Variants in CHL1 observed in about 807,000 individuals in gnomAD.
CHL1 encodes the protein cell adhesion molecule L1 like.
In CHL1, 96 loss-of-function variants were observed where a neutral mutation model predicts 141.9. The observed-to-expected ratio is 0.68, with a 90% CI of 0.57 to 0.80. The LOEUF (loss-of-function observed/expected upper bound fraction) is 0.80, where lower values mean the gene tolerates loss of function less well. Among genes scored for constraint, CHL1 ranks in the 30% least tolerant of loss-of-function variants. The pLI, the probability that CHL1 is intolerant of heterozygous loss-of-function variation, is 0.00. For synonymous variants in CHL1, 613 were observed against 502.2 expected, an observed-to-expected ratio of 1.22 and a Z score of -2.95; for missense variants, 1,820 against 1,457.2, an observed-to-expected ratio of 1.25 and a Z score of -4.05.
At chr3:259,043 C>T (rs1284851770) in intron 2 of CHL1, among the ~76,000 whole-genome samples, 1 of 151,214 alleles carries the variant, frequency 6.6e-6, no homozygotes, top group Non-Finnish European at 1.5e-5. Context: ...AGGTGGTCCT[C>T]CCACCTCAGC....
At chr3:397,806 G>A (rs923159828) in intron 24 of CHL1, among the ~76,000 whole-genome samples, 4 of 151,882 alleles carry the variant, frequency 2.6e-5, no homozygotes, top group East Asian at 1.9e-4. Context: ...TGTTTATGGA[G>A]AAGACCAAAG....
intron 1 of CHL1, among the ~76,000 whole-genome samples, chr3:225,271 G>A (rs1346697498): frequency 6.6e-6 from 1 of 152,142 alleles, no homozygotes; most frequent in East Asian, 1.9e-4. Flanking sequence ...ATAATTATGA[G>A]CAACTCAGAA....
At chr3:259,324 G>A (rs549389420) in intron 2 of CHL1, among the ~76,000 whole-genome samples, 3 of 147,840 alleles carry the variant, frequency 2.0e-5, no homozygotes, top group East Asian at 4.2e-4. Flanking sequence ...GTGTGCATGC[G>A]TGTGTGTGTG....
At chr3:231,521 T>C (rs1392776498) in intron 1 of CHL1, among the ~76,000 whole-genome samples, 2 of 152,084 alleles carry the variant, frequency 1.3e-5, no homozygotes, top group Non-Finnish European at 2.9e-5. Flanking sequence ...AAAAGAAGTT[T>C]ATATTCATTG....
intron 2 of CHL1, among the ~76,000 whole-genome samples, chr3:254,411 C>T (rs573554092): frequency 6.6e-6 from 1 of 152,240 alleles, no homozygotes; most frequent in East Asian, 1.9e-4. Context: ...GGGCTGATAC[C>T]CACTGAAACT....
At chr3:403,139 G>A (rs890619822) in intron 27 of CHL1, among the ~76,000 whole-genome samples, 1 of 152,104 alleles carries the variant, frequency 6.6e-6, no homozygotes, top group Non-Finnish European at 1.5e-5. Flanking sequence ...TGAACTAAGG[G>A]CTTCTGTTCT....
intron 15 of CHL1, chr3:373,936 C>G (rs1325923250): frequency 2.0e-5 from 3 of 152,394 alleles, no homozygotes; most frequent in Non-Finnish European, 4.4e-5. Flanking sequence ...GTCAGTTCTT[C>G]TAAGAGAAAC....
intron 1 of CHL1, among the ~76,000 whole-genome samples, chr3:212,748 G>T (rs1161090034): frequency 1.3e-5 from 2 of 152,076 alleles, no homozygotes; most frequent in Non-Finnish European, 2.9e-5. Flanking sequence ...TGACTCAACA[G>T]CTCACTGCTC....
intron 2 of CHL1, among the ~76,000 whole-genome samples, chr3:245,813 G>T (rs915968417): frequency 6.6e-6 from 1 of 152,060 alleles, no homozygotes; most frequent in Admixed American, 6.6e-5. Context: ...GCCATACCAA[G>T]AATAAGTCTA....
intron 20 of CHL1, 37 bp from the exon 21 acceptor site, chr3:390,664 G>T (rs563306729): frequency 1.7e-6 from 2 of 1,179,070 alleles, no homozygotes; most frequent in East Asian, 2.3e-5. Context: ...CACATTTGCA[G>T]GTTATTGAAA....
intron 1 of CHL1, among the ~76,000 whole-genome samples, chr3:242,234 A>G (rs1292350520): frequency 6.6e-6 from 1 of 152,180 alleles, no homozygotes; most frequent in Non-Finnish European, 1.5e-5. Context: ...TTCATTCTAA[A>G]GGATGGTCTG....
intron 1 of CHL1, among the ~76,000 whole-genome samples, chr3:209,275 G>T (rs1400008665): frequency 6.6e-6 from 1 of 152,212 alleles, no homozygotes; most frequent in Non-Finnish European, 1.5e-5. Flanking sequence ...TAAACTGCAA[G>T]TTGGAGCAGA....
chr3:340,660 T>C (rs1323249058), intron 5 of CHL1, 134 bp from the exon 6 acceptor site: 2 of 695,414 alleles, frequency 2.9e-6, no homozygotes, highest in African/African-American at 1.8e-5. Flanking sequence ...GAAGGGGAGA[T>C]GTAAGAACCA....
intron 1 of CHL1, among the ~76,000 whole-genome samples, chr3:201,079 C>T (rs1282010521): frequency 6.6e-6 from 1 of 152,156 alleles, no homozygotes; most frequent in Admixed American, 6.5e-5. Context: ...CTGAAAGTCA[C>T]TATAATTTTC....
intron 1 of CHL1, among the ~76,000 whole-genome samples, chr3:234,193 G>A (rs7635377): frequency 0.46 from 66,304 of 143,856 alleles, 16,219 homozygotes; most frequent in Non-Finnish European, 0.55. Flanking sequence ...GTGTGTGTGT[G>A]TATATATATA....
At position 394,683 on chromosome 3, in the gene CHL1, A is replaced by G; in HGVS notation, c.2915-10A>G. On this transcript the variant is annotated splice_polypyrimidine_tract_variant and intron_variant, in intron 23 of 27. Transcript: ENST00000256509. ...TACATTTGAGCTGTTGTTCATGTTTATTTTTTTAGTAAATGACACCTACGA... is the reference window on the plus strand; with the variant it reads ...TACATTTGAGCTGTTGTTCATGTTTGTTTTTTTAGTAAATGACACCTACGA... 1 of 1,590,668 alleles carries G rather than the reference A, an allele frequency of 6.3e-7. No individual in the cohort carries two copies. The highest frequency in any genetic ancestry group is 1.8e-5 in the Admixed American group (1 of 56,920).
intron 3 of CHL1, among the ~76,000 whole-genome samples, chr3:322,336 T>C (rs1358740150): frequency 6.6e-6 from 1 of 151,708 alleles, no homozygotes; most frequent in Non-Finnish European, 1.5e-5. Flanking sequence ...AAAATTAGAG[T>C]TTGGAAAGGC....
At chr3:214,876 T>C (rs1559280997) in intron 1 of CHL1, among the ~76,000 whole-genome samples, 1 of 152,160 alleles carries the variant, frequency 6.6e-6, no homozygotes, top group Non-Finnish European at 1.5e-5. Flanking sequence ...ATTAATTATG[T>C]ATGCCTAATG....
At chr3:377,764 T>G (rs1706517976) in intron 15 of CHL1, 54 bp from the exon 16 acceptor site, 1 of 1,463,570 alleles carries the variant, frequency 6.8e-7, no homozygotes, top group Admixed American at 1.9e-5. Flanking sequence ...GAATTGGGTT[T>G]CTATCATTTC....
Sources: allele counts gnomAD v4.1 joint callset (sites outside exome capture counted in the v4.1 genomes callset), GRCh38; gene constraint gnomAD v4.1.1; transcripts MANE v1.5; gene names NCBI Gene and HGNC (gene_info 2026-07-23, HGNC 2026-07-21).